Variants in GPLD1 observed in about 807,000 individuals in gnomAD.
GPLD1 encodes the protein glycosylphosphatidylinositol specific phospholipase D1.
A neutral mutation model predicts 112.6 loss-of-function variants in GPLD1; 84 were observed. That is an observed-to-expected ratio of 0.75 (90% confidence interval 0.63 to 0.89). The LOEUF is 0.89. Ranked by LOEUF, GPLD1 falls within the 40% of genes least tolerant of loss-of-function variation. The pLI, the probability that GPLD1 is intolerant of heterozygous loss-of-function variation, is 0.00. For synonymous variants in GPLD1, 386 were observed against 403.8 expected (o/e 0.96, Z 0.53); for missense variants, 1,044 against 1,051.5 (o/e 0.99, Z 0.10).
upstream of GPLD1, among the ~76,000 whole-genome samples, chr6:24,494,112 C>A (rs1764626291): frequency 6.6e-6 from 1 of 152,216 alleles, no homozygotes; most frequent in African/African-American, 2.4e-5. Flanking sequence ...TCAATTTTGA[C>A]AAATGCTTCC....
intron 2 of GPLD1, 39 bp downstream of exon 2, chr6:24,486,036 C>T: frequency 1.6e-6 from 2 of 1,224,626 alleles, no homozygotes; most frequent in South Asian, 2.6e-5. Flanking sequence ...TAAAAGAAAA[C>T]TAATGCACAA....
intron 2 of GPLD1, among the ~76,000 whole-genome samples, chr6:24,481,608 A>G: frequency 6.6e-6 from 1 of 152,246 alleles, no homozygotes; most frequent in South Asian, 2.1e-4. Context: ...TTGGCTCAGA[A>G]ATGGACCTTT....
At chr6:24,469,500 C>T (rs1382899076) in intron 7 of GPLD1, among the ~76,000 whole-genome samples, 4 of 89,190 alleles carry the variant, frequency 4.5e-5, no homozygotes, top group African/African-American at 1.3e-4. Context: ...AAATTGGAAA[C>T]CATCATTCTC....
intron 3 of GPLD1, among the ~76,000 whole-genome samples, chr6:24,477,370 A>C (rs774487103): frequency 6.6e-6 from 1 of 151,014 alleles, no homozygotes. Context: ...TTTAAACCAG[A>C]TGTCCTTGTT....
At chr6:24,494,881 AC>A in intron 1 of GPLD1, 1 of 1,156,904 alleles carries the variant, frequency 8.6e-7, no homozygotes, top group Non-Finnish European at 1.1e-6. Context: ...GCCAGCTCCC[AC>A]GCTTTCCCCG....
chr6:24,427,845 C>CAAAAAAAAA lies in GPLD1; in HGVS notation c.*1178_*1186dup, dbSNP rs72112585. On this transcript the variant is annotated 3_prime_UTR_variant, in exon 25 of 25. Coordinates refer to ENST00000230036, the MANE Select transcript of GPLD1 (RefSeq NM_001503.4). Reference sequence around the variant, plus strand: ...TGGGCAACAGAGCAAGACTCCGTCTCAAAAAAAAAAAAAAAAAAAAAGGAC... The same window carrying CAAAAAAAAA: ...TGGGCAACAGAGCAAGACTCCGTCTCAAAAAAAAAAAAAAAAAAAAAAAAAAAAAAGGAC... Among the ~76,000 whole-genome samples the CAAAAAAAAA allele has an allele frequency of 3.4e-5, 3 of 87,588 alleles. 1 individual carries two copies. Among genetic ancestry groups the CAAAAAAAAA allele is most frequent in the Non-Finnish European group, 2.1e-5 (1 of 47,756 alleles). 57.5% of individuals were successfully genotyped at this position (87,588 alleles called of 152,430 possible). A position where few individuals can be genotyped will look rare whatever the true frequency, so the allele number is the denominator to read the frequency against.
intron 22 of GPLD1, chr6:24,435,836 A>AAAAAAAAAAAAAAAAAAAAAAAAAAT (rs1427422814): frequency 1.1e-4 from 16 of 146,628 alleles, no homozygotes; most frequent in Non-Finnish European, 2.3e-4. Flanking sequence ...AAAAAAAAAA[A>AAAAAAAAAAAAAAAAAAAAAAAAAAT]AAAAAAAAAA....
Position 24,455,318 on chromosome 6 carries a change from C to T in GPLD1, c.1149-1117G>A, listed in dbSNP as rs562126165. ...GGAGGTAGCCATACACACAAGTGAACGACCAGTAAAGACAGCATTCACCTC... is the reference window on the plus strand; with the variant it reads ...GGAGGTAGCCATACACACAAGTGAATGACCAGTAAAGACAGCATTCACCTC... On this transcript the variant is annotated intron_variant, in intron 13 of 24. Coordinates refer to ENST00000230036, the MANE Select transcript of GPLD1 (RefSeq NM_001503.4). Among the ~76,000 whole-genome samples, 16 of 152,262 alleles carry T rather than the reference C, an allele frequency of 1.1e-4. No homozygotes were observed. The South Asian group carries it at 2.7e-3, about 26-fold the overall frequency.
At chr6:24,480,348 G>C (rs1482329603) in intron 2 of GPLD1, among the ~76,000 whole-genome samples, 1 of 152,120 alleles carries the variant, frequency 6.6e-6, no homozygotes, top group Non-Finnish European at 1.5e-5. Context: ...TGTGTTTTGA[G>C]ATGGAGTTTT....
intron 14 of GPLD1, among the ~76,000 whole-genome samples, chr6:24,451,583 G>A (rs1763089353): frequency 6.6e-6 from 1 of 152,016 alleles, no homozygotes; most frequent in Non-Finnish European, 1.5e-5. Context: ...GGATCTGCCC[G>A]CCTTGGCCTC....
downstream of GPLD1, chr6:24,424,475 CCTG>C (rs1282827162): frequency 6.6e-6 from 1 of 152,078 alleles, no homozygotes; most frequent in African/African-American, 2.4e-5. Context: ...TGTTTATTGT[CCTG>C]CTAATCTATA....
intron 24 of GPLD1, among the ~76,000 whole-genome samples, chr6:24,431,230 TTCC>T (rs1435570845): frequency 2.0e-5 from 3 of 152,142 alleles, no homozygotes; most frequent in Admixed American, 6.5e-5. Flanking sequence ...CCTAATCCTC[TTCC>T]TCCTCCCACC....
chr6:24,466,036 T>A (rs1024318780), intron 10 of GPLD1, among the ~76,000 whole-genome samples: 4 of 152,188 alleles, frequency 2.6e-5, no homozygotes, highest in African/African-American at 9.6e-5. Context: ...GCCCCCAGCA[T>A]GGGTTTTCCC....
chr6:24,441,941 TTC>T (rs1762758879), intron 20 of GPLD1, among the ~76,000 whole-genome samples: 3 of 149,522 alleles, frequency 2.0e-5, no homozygotes, highest in African/African-American at 7.3e-5. Context: ...GTGACATTAA[TTC>T]ATATTTATAT....
intron 24 of GPLD1, among the ~76,000 whole-genome samples, chr6:24,432,957 G>C (rs567258365): frequency 6.6e-6 from 1 of 152,202 alleles, no homozygotes; most frequent in South Asian, 2.1e-4. Context: ...TACAAAATTA[G>C]GTGGCAGACG....
At chr6:24,476,364 T>C in intron 3 of GPLD1, 86 bp from the exon 4 acceptor site, 1 of 705,074 alleles carries the variant, frequency 1.4e-6, no homozygotes, top group South Asian at 1.6e-5. Context: ...GCTGCGCTGC[T>C]GTGTCCCTTC....
chr6:24,462,333 C>G (rs1301602650), intron 11 of GPLD1, among the ~76,000 whole-genome samples: 3 of 151,974 alleles, frequency 2.0e-5, no homozygotes, highest in African/African-American at 7.3e-5. Context: ...AGGGGTCTCA[C>G]TATGTTGCTG....
chr6:24,441,515 T>C (rs1235891991), intron 20 of GPLD1, among the ~76,000 whole-genome samples: 3 of 152,188 alleles, frequency 2.0e-5, no homozygotes, highest in East Asian at 3.8e-4. Flanking sequence ...GAGTCCTGCA[T>C]TCGTTTCAGT....
intron 20 of GPLD1, among the ~76,000 whole-genome samples, chr6:24,443,217 A>C (rs764562059): frequency 6.6e-6 from 1 of 152,198 alleles, no homozygotes; most frequent in Non-Finnish European, 1.5e-5. Context: ...TTTTAAAGGA[A>C]GGGGAACCGA....
Sources: allele counts gnomAD v4.1 joint callset (sites outside exome capture counted in the v4.1 genomes callset), GRCh38; gene constraint gnomAD v4.1.1; transcripts MANE v1.5; gene names NCBI Gene and HGNC (gene_info 2026-07-23, HGNC 2026-07-21).